The following CPQ variants were observed in gnomAD, a reference collection of about 807,000 sequenced individuals.
CPQ encodes carboxypeptidase Q, also known as Ser-Met dipeptidase.
CPQ carries 37 observed loss-of-function variants against 45.7 expected under a neutral mutation model. That is an observed-to-expected ratio of 0.81 (90% CI 0.62 to 1.07). The LOEUF (loss-of-function observed/expected upper bound fraction) is 1.07, where lower values mean the gene tolerates loss of function less well. Among genes scored for constraint, CPQ ranks in the 50% least tolerant of loss-of-function variants. The pLI is 0.00. For synonymous variants in CPQ, 186 were observed against 205.8 expected, an observed-to-expected ratio of 0.90 and a Z score of 0.82; for missense variants, 537 against 572.9, an observed-to-expected ratio of 0.94 and a Z score of 0.64.
chr8:97,036,112 C>G (rs546963396), intron 6 of CPQ, among the ~76,000 whole-genome samples: 2 of 152,094 alleles, frequency 1.3e-5, no homozygotes, highest in African/African-American at 4.8e-5. Flanking sequence ...GTTGGAGGGA[C>G]CTTATTTCAA....
At chr8:97,054,176 T>C (rs1220657905) in intron 6 of CPQ, among the ~76,000 whole-genome samples, 1 of 152,130 alleles carries the variant, frequency 6.6e-6, no homozygotes, top group African/African-American at 2.4e-5. Flanking sequence ...GAAAAAATGT[T>C]CAACATCACT....
At chr8:96,782,512 C>T (rs556624283) in intron 1 of CPQ, among the ~76,000 whole-genome samples, 2 of 152,226 alleles carry the variant, frequency 1.3e-5, no homozygotes, top group East Asian at 3.9e-4. Flanking sequence ...TCAGAGATCC[C>T]TGAAGTGCCT....
intron 6 of CPQ, among the ~76,000 whole-genome samples, chr8:97,041,865 T>G (rs1810132326): frequency 6.6e-6 from 1 of 152,242 alleles, no homozygotes; most frequent in African/African-American, 2.4e-5. Context: ...AGCTTTTTGA[T>G]GTGCTGCTGG....
At chr8:96,723,149 T>A (rs1288892456) in intron 1 of CPQ, among the ~76,000 whole-genome samples, 2 of 152,174 alleles carry the variant, frequency 1.3e-5, no homozygotes, top group Non-Finnish European at 2.9e-5. Flanking sequence ...ACAGATACCA[T>A]ACCCCGAATA....
intron 7 of CPQ, among the ~76,000 whole-genome samples, chr8:97,066,708 G>T (rs1810641564): frequency 1.3e-5 from 2 of 151,970 alleles, no homozygotes; most frequent in Non-Finnish European, 2.9e-5. Context: ...TGAGGGTGGG[G>T]TACTTTCTTT....
At chr8:96,985,205 TA>T (rs902410413) in intron 5 of CPQ, among the ~76,000 whole-genome samples, 7 of 152,176 alleles carry the variant, frequency 4.6e-5, no homozygotes, top group African/African-American at 1.7e-4. Flanking sequence ...AGGGACACTT[TA>T]AAAAAATATT....
At chr8:96,723,770 A>G (rs1438286579) in intron 1 of CPQ, among the ~76,000 whole-genome samples, 3 of 152,100 alleles carry the variant, frequency 2.0e-5, no homozygotes, top group Non-Finnish European at 4.4e-5. Flanking sequence ...CTGCAGGACA[A>G]CAACCAACTT....
At chr8:96,819,275 T>G (rs1008694103) in intron 2 of CPQ, among the ~76,000 whole-genome samples, 5 of 152,116 alleles carry the variant, frequency 3.3e-5, no homozygotes, top group Non-Finnish European at 7.4e-5. Context: ...TAACCTTTAT[T>G]TCTCAACATA....
intron 1 of CPQ, among the ~76,000 whole-genome samples, chr8:96,681,398 C>T (rs865882929): frequency 7.9e-5 from 12 of 152,164 alleles, no homozygotes; most frequent in African/African-American, 1.4e-4. Context: ...GCTGTTGCTT[C>T]GCAGGGTGAA....
At chr8:96,963,731 T>C (rs1813502785) in intron 4 of CPQ, among the ~76,000 whole-genome samples, 2 of 152,192 alleles carry the variant, frequency 1.3e-5, no homozygotes, top group Non-Finnish European at 2.9e-5. Flanking sequence ...TAAGTGTATA[T>C]GGTGAACTTT....
chr8:97,059,046 A>T (rs781187962), intron 6 of CPQ, among the ~76,000 whole-genome samples: 1 of 152,166 alleles, frequency 6.6e-6, no homozygotes. Context: ...AGTGTCATTT[A>T]TGCAGGGTTC....
chr8:96,662,037 T>A (rs138928097), intron 1 of CPQ, among the ~76,000 whole-genome samples: 1 of 152,352 alleles, frequency 6.6e-6, no homozygotes, highest in East Asian at 1.9e-4. Context: ...TTACATATGA[T>A]GTGAAGTATC....
chr8:96,852,617 G>T (rs1396253138), intron 3 of CPQ, among the ~76,000 whole-genome samples: 4 of 152,128 alleles, frequency 2.6e-5, no homozygotes, highest in African/African-American at 7.2e-5. Context: ...AGAGCTTAGA[G>T]AAGTTTTTCA....
intron 7 of CPQ, among the ~76,000 whole-genome samples, chr8:97,130,420 GTTTTTTTTTTT>G (rs67911510): frequency 1.6e-5 from 2 of 125,346 alleles, no homozygotes; most frequent in Non-Finnish European, 3.3e-5. Flanking sequence ...ATCGTCAGCT[GTTTTTTTTTTT>G]TTTTTTTTTT....
rs559760308 is a variant in CPQ at position 96,789,532 on chromosome 8, A to G, written c.433+4202A>G. On this transcript the variant is annotated intron_variant, in intron 2 of 7. Coordinates refer to ENST00000220763, the MANE Select transcript of CPQ (RefSeq NM_016134.4). ...TATGCTTAGGTTCCTTTAGACAGTTATATTTTTACTCTTTGCCATTTGATG... is the reference window on the plus strand; with the variant it reads ...TATGCTTAGGTTCCTTTAGACAGTTGTATTTTTACTCTTTGCCATTTGATG... 1.2e-3 allele frequency among the ~76,000 whole-genome samples: 176 copies of G among 152,228 alleles called. 2 individuals are homozygous for G. The highest frequency in any genetic ancestry group is 4.0e-3 in the African/African-American group (167 of 41,540).
intron 4 of CPQ, among the ~76,000 whole-genome samples, chr8:96,908,186 G>A (rs1240248061): frequency 6.6e-6 from 1 of 151,030 alleles, no homozygotes; most frequent in African/African-American, 2.4e-5. Context: ...GAGGAGAGAG[G>A]GAGAAGAGAG....
chr8:96,700,510 C>G (rs1282252340), intron 1 of CPQ, among the ~76,000 whole-genome samples: 1 of 152,142 alleles, frequency 6.6e-6, no homozygotes, highest in Non-Finnish European at 1.5e-5. Context: ...AGGGCATTCT[C>G]AGTCATGTAT....
intron 5 of CPQ, among the ~76,000 whole-genome samples, chr8:97,028,443 T>C (rs1461347111): frequency 1.3e-5 from 2 of 152,232 alleles, no homozygotes; most frequent in African/African-American, 4.8e-5. Flanking sequence ...ATTTTAACCC[T>C]TCCCTATGGC....
At chr8:96,698,693 G>T (rs2130743582) in intron 1 of CPQ, among the ~76,000 whole-genome samples, 1 of 152,040 alleles carries the variant, frequency 6.6e-6, no homozygotes, top group South Asian at 2.1e-4. Context: ...AAGATGAATA[G>T]ATATTTCTCA....
Sources: gnomAD v4.1 joint callset for allele counts (sites outside exome capture counted in the v4.1 genomes callset) on GRCh38, gnomAD v4.1.1 for gene constraint, MANE v1.5 for transcripts, NCBI Gene and HGNC (gene_info 2026-07-23, HGNC 2026-07-21) for gene names.